The following NAV2 variants were observed in gnomAD, a reference collection of about 807,000 sequenced individuals.
The protein encoded by NAV2 is helicase, APC down-regulated 1.
NAV2 carries 54 observed loss-of-function variants against 223.2 expected under a neutral mutation model. The observed-to-expected ratio is 0.24, with a 90% CI of 0.19 to 0.30. The LOEUF (loss-of-function observed/expected upper bound fraction) is 0.30. Ranked by LOEUF, NAV2 falls within the 10% of genes least tolerant of loss-of-function variation. The pLI, the probability that NAV2 is intolerant of heterozygous loss-of-function variation, is 1.00. For synonymous variants in NAV2, 1,279 were observed against 1,239.3 expected, an observed-to-expected ratio of 1.03 and a Z score of -0.67; for missense variants, 2,806 against 3,147.5, an observed-to-expected ratio of 0.89 and a Z score of 2.60.
intron 1 of NAV2, among the ~76,000 whole-genome samples, chr11:19,816,375 T>G (rs1429428027): frequency 2.0e-5 from 3 of 152,254 alleles, no homozygotes; most frequent in African/African-American, 7.2e-5. Context: ...CCAGGTTCTG[T>G]GCCTCTCTGC....
At chr11:19,659,443 G>C (rs562440687) in intron 1 of NAV2, among the ~76,000 whole-genome samples, 3 of 152,202 alleles carry the variant, frequency 2.0e-5, no homozygotes, top group Non-Finnish European at 4.4e-5. Context: ...GAGTTAACGT[G>C]CTGGGGGGTG....
intron 1 of NAV2, among the ~76,000 whole-genome samples, chr11:19,743,191 C>T (rs2053006609): frequency 6.6e-6 from 1 of 152,006 alleles, no homozygotes; most frequent in Non-Finnish European, 1.5e-5. Context: ...CTCATAAGGC[C>T]ACTGTGAGGC....
At chr11:19,679,631 C>T (rs1046926815) in intron 1 of NAV2, among the ~76,000 whole-genome samples, 1 of 152,170 alleles carries the variant, frequency 6.6e-6, no homozygotes, top group Non-Finnish European at 1.5e-5. Flanking sequence ...AGATTCATCT[C>T]AAACATCACG....
chr11:20,023,105 A>G (rs1442211908), intron 11 of NAV2: 1 of 1,551,780 alleles, frequency 6.4e-7, no homozygotes, highest in Non-Finnish European at 8.7e-7. Context: ...CAATGTAGTG[A>G]AATGCTCTGG....
intron 1 of NAV2, among the ~76,000 whole-genome samples, chr11:19,668,242 A>G (rs1237363392): frequency 6.6e-6 from 1 of 152,348 alleles, no homozygotes; most frequent in East Asian, 1.9e-4. Flanking sequence ...AATTGCCTTA[A>G]AAAGTATCCC....
At chr11:19,537,724 G>A (rs183641009) in intron 1 of NAV2, among the ~76,000 whole-genome samples, 1 of 152,306 alleles carries the variant, frequency 6.6e-6, no homozygotes, top group East Asian at 1.9e-4. Context: ...CAATCTCACA[G>A]GTATATCTGA....
chr11:19,430,390 C>T (rs1045338886), intron 1 of NAV2, among the ~76,000 whole-genome samples: 1 of 152,316 alleles, frequency 6.6e-6, no homozygotes, highest in East Asian at 1.9e-4. Context: ...AGTCCCCTCT[C>T]GCATAGCCTC....
intron 9 of NAV2, among the ~76,000 whole-genome samples, chr11:19,946,788 T>G (rs2046973987): frequency 2.0e-5 from 3 of 152,232 alleles, no homozygotes; most frequent in African/African-American, 7.2e-5. Flanking sequence ...TTACTTGCAT[T>G]TTCTATAACT....
intron 6 of NAV2, among the ~76,000 whole-genome samples, chr11:19,930,999 T>A (rs889872817): frequency 6.6e-6 from 1 of 152,264 alleles, no homozygotes; most frequent in East Asian, 1.9e-4. Flanking sequence ...AGGAGGTAGC[T>A]ATGACACCAT....
intron 1 of NAV2, among the ~76,000 whole-genome samples, chr11:19,762,950 A>T (rs2054890656): frequency 6.6e-6 from 1 of 152,000 alleles, no homozygotes; most frequent in African/African-American, 2.4e-5. Context: ...AATCTACTCC[A>T]TAGGGTCTTT....
rs574261985 is a variant in NAV2 at position 19,596,271 on chromosome 11, A to AT, written c.76-236212dup. The stretch of plus-strand genomic sequence containing the variant: ...ATGAGCTGCTACCTTCTAGGCTTGC[A>AT]TACAGAGGCCTGGCTGAACCTAGCA... On this transcript the variant is annotated intron_variant, in intron 1 of 37. Transcript: ENST00000360655. Among the ~76,000 whole-genome samples the AT allele has an allele frequency of 1.0e-3, 152 of 152,316 alleles. 5 individuals are homozygous for AT. In the South Asian group the frequency reaches 0.031, roughly 31 times the overall value.
intron 1 of NAV2, among the ~76,000 whole-genome samples, chr11:19,363,913 G>A (rs1324138685): frequency 6.6e-6 from 1 of 152,226 alleles, no homozygotes; most frequent in Non-Finnish European, 1.5e-5. Flanking sequence ...AAGGGGCATT[G>A]AGCTTCCAGG....
At chr11:19,579,180 C>T (rs551429629) in intron 1 of NAV2, among the ~76,000 whole-genome samples, 2 of 152,322 alleles carry the variant, frequency 1.3e-5, no homozygotes, top group African/African-American at 4.8e-5. Context: ...ACTTCTGAGC[C>T]GTGTGGCCTT....
chr11:19,625,907 A>G (rs2047156960), intron 1 of NAV2, among the ~76,000 whole-genome samples: 1 of 151,542 alleles, frequency 6.6e-6, no homozygotes, highest in Admixed American at 6.6e-5. Context: ...GAGATGTTTG[A>G]GTTCCTTGTA....
At chr11:19,810,196 A>T (rs1160129716) in intron 1 of NAV2, among the ~76,000 whole-genome samples, 1 of 152,206 alleles carries the variant, frequency 6.6e-6, no homozygotes, top group Non-Finnish European at 1.5e-5. Context: ...TGTTGCTCAA[A>T]TTATTTTGAG....
chr11:20,114,639 G>A lies in NAV2; in HGVS notation c.7008G>A (p.Met2336Ile). The change falls in exon 37 of 38, where the codon ATG becomes ATA. Residue 2336 changes from methionine (M) to isoleucine (I), a missense_variant. Physicochemically the swap from Met to Ile is conservative, Grantham distance 10 (BLOSUM62 1). This residue lies in a region of NAV2 where 824 missense variants were observed against 1,069.4 expected (regional missense o/e 0.77). Coordinates refer to ENST00000349880, the MANE Select transcript of NAV2 (RefSeq NM_145117.5). The part of the protein sequence containing the change: ...APWEDPAKWV[M>I]DTYPWAASPQ... ...GGGAGGATCCTGCCAAGTGGGTGAT[G>A]GACACATATCCATGGGCAGCCAGCC... 7 of 1,614,194 alleles carry A rather than the reference G, an allele frequency of 4.3e-6. No homozygotes were observed. Among genetic ancestry groups the A allele is most frequent in the Non-Finnish European group, 5.9e-6 (7 of 1,180,044 alleles).
chr11:19,530,464 T>C (rs778910227), intron 1 of NAV2, among the ~76,000 whole-genome samples: 3 of 152,204 alleles, frequency 2.0e-5, no homozygotes, highest in Non-Finnish European at 2.9e-5. Flanking sequence ...TTGTATGAAA[T>C]AGATGTGGTC....
At chr11:20,024,059 A>G (rs546330144) in intron 11 of NAV2, among the ~76,000 whole-genome samples, 2 of 152,278 alleles carry the variant, frequency 1.3e-5, no homozygotes, top group South Asian at 2.1e-4. Flanking sequence ...CTCTACCACC[A>G]TGCCTTCCTG....
At position 19,998,247 on chromosome 11, in the gene NAV2, C is replaced by CT; in HGVS notation, c.2768+14001dup. ...CAAATCTCTCAGCTTCTCTCTGTCTCTGTGTTTCTCCCTGTCTCTCTGCTT... is the reference window on the plus strand; with the variant it reads ...CAAATCTCTCAGCTTCTCTCTGTCTCTTGTGTTTCTCCCTGTCTCTCTGCTT... On this transcript the variant is annotated intron_variant, in intron 11 of 37. Coordinates refer to ENST00000349880, the MANE Select transcript of NAV2 (RefSeq NM_145117.5). The surrounding 1 kb of genome is among the most constrained non-coding windows in gnomAD (Gnocchi z 5.0). 6.6e-6 allele frequency among the ~76,000 whole-genome samples: 1 copy of CT among 152,178 alleles called. No individual in the cohort carries two copies. Among genetic ancestry groups the CT allele is most frequent in the Admixed American group, 6.5e-5 (1 of 15,288 alleles).
Sources: allele counts gnomAD v4.1 joint callset (sites outside exome capture counted in the v4.1 genomes callset), GRCh38; gene constraint gnomAD v4.1.1; regional missense constraint gnomAD v4.1.1; non-coding constraint Gnocchi (gnomAD v3.1); transcripts MANE v1.5; gene names NCBI Gene and HGNC (gene_info 2026-07-23, HGNC 2026-07-21).